PKNOX2: variants seen among roughly 807,000 people sequenced by gnomAD.
PKNOX2 encodes PBX/knotted 1 homeobox 2.
PKNOX2 carries 14 observed loss-of-function variants against 53.1 expected under a neutral mutation model. The observed-to-expected ratio is 0.26, with a 90% confidence interval of 0.17 to 0.41. The LOEUF is 0.41. Among genes scored for constraint, PKNOX2 ranks in the 10% least tolerant of loss-of-function variants. The probability of loss-of-function intolerance (pLI) is 1.00; values close to 1 mark genes in which losing one functional copy is unlikely to be tolerated. For missense variants in PKNOX2, 496 were observed against 602.8 expected, an observed-to-expected ratio of 0.82 and a Z score of 1.85; for synonymous variants, 257 against 242.8, an observed-to-expected ratio of 1.06 and a Z score of -0.54.
chr11:125,362,480 C>A (rs1951977571), intron 4 of PKNOX2, among the ~76,000 whole-genome samples: 1 of 152,136 alleles, frequency 6.6e-6, no homozygotes, highest in South Asian at 2.1e-4. Context: ...CTCAAGCAAT[C>A]CTCCTGCCTC....
At chr11:125,365,440 C>G (rs538859612) in intron 4 of PKNOX2, among the ~76,000 whole-genome samples, 15 of 152,170 alleles carry the variant, frequency 9.9e-5, no homozygotes, top group Non-Finnish European at 1.8e-4. Context: ...CATGTCTCTC[C>G]TTCCCTGCAC....
chr11:125,306,541 T>C (rs10893365), intron 2 of PKNOX2, among the ~76,000 whole-genome samples: 39,246 of 152,190 alleles, frequency 0.26, 6,263 homozygotes, highest in East Asian at 0.53. Context: ...CATAAAACCC[T>C]TAATGTGGCA....
chr11:125,286,898 C>T (rs978675974), intron 2 of PKNOX2, among the ~76,000 whole-genome samples: 2 of 152,310 alleles, frequency 1.3e-5, no homozygotes, highest in African/African-American at 2.4e-5. Flanking sequence ...GCGCAGGCAG[C>T]GTATGGCCTT....
At chr11:125,216,165 T>C (rs1940472558) in intron 1 of PKNOX2, among the ~76,000 whole-genome samples, 1 of 152,198 alleles carries the variant, frequency 6.6e-6, no homozygotes, top group African/African-American at 2.4e-5. Flanking sequence ...TGAGATTGTC[T>C]CTTTTTGTCC....
chr11:125,362,011 C>T (rs1162081080), intron 4 of PKNOX2, among the ~76,000 whole-genome samples: 16 of 152,088 alleles, frequency 1.1e-4, no homozygotes, highest in Admixed American at 9.2e-4. Context: ...GTTTCTGGCA[C>T]GATCATTGTT....
At chr11:125,290,016 C>A (rs1426302238) in intron 2 of PKNOX2, among the ~76,000 whole-genome samples, 2 of 152,196 alleles carry the variant, frequency 1.3e-5, no homozygotes, top group African/African-American at 2.4e-5. Flanking sequence ...TTCACTCCCA[C>A]CCCCAGCATG....
In PKNOX2 at chr11:125,186,893, G is replaced by T. The variant is rs1251302755; in HGVS notation, c.-201+22117G>T. Among the ~76,000 whole-genome samples, 3 of 152,260 alleles carry T rather than the reference G, an allele frequency of 2.0e-5. No homozygotes were observed. The East Asian group carries it at 5.8e-4, about 29-fold the overall frequency. ...CCATTTTGAGTTATTTTTGCATGGG[G>T]TGTGAGGTAGGGCTCCAACTTTATT... On this transcript the variant is annotated intron_variant, in intron 1 of 12. Coordinates refer to ENST00000298282, the MANE Select transcript of PKNOX2 (RefSeq NM_001382323.2).
At chr11:125,389,208 C>CAA (rs934444364) in intron 6 of PKNOX2, among the ~76,000 whole-genome samples, 10 of 151,956 alleles carry the variant, frequency 6.6e-5, no homozygotes, top group South Asian at 2.1e-4. Flanking sequence ...AACAAACAAA[C>CAA]AAACAAACAA....
At chr11:125,392,694 T>A (rs981700575) in intron 6 of PKNOX2, among the ~76,000 whole-genome samples, 23 of 152,192 alleles carry the variant, frequency 1.5e-4, no homozygotes, top group Admixed American at 7.9e-4. Context: ...TATAAATTGG[T>A]TATATATTTA....
At chr11:125,428,886 C>G in intron 10 of PKNOX2, 126 bp from the exon 11 acceptor site, 1 of 914,248 alleles carries the variant, frequency 1.1e-6, no homozygotes, top group Non-Finnish European at 1.7e-6. Flanking sequence ...GACACTTCCC[C>G]AATTTTGGTT....
In PKNOX2 at chr11:125,198,822, CCTT is replaced by C. The variant is rs200495085; in HGVS notation, c.-201+34065_-201+34067del. Among the ~76,000 whole-genome samples the C allele has an allele frequency of 1.1e-3, 163 of 147,372 alleles. 3 individuals are homozygous for C. The highest frequency in any genetic ancestry group is 1.4e-3 in the Non-Finnish European group (95 of 67,394). ...TCCTGATCCGCCTCCTCCTCCTCTTCCTTCTTCTTCTTCTTCTTCTTTTTTTTT... is the reference window on the plus strand; with the variant it reads ...TCCTGATCCGCCTCCTCCTCCTCTTCCTTCTTCTTCTTCTTCTTTTTTTTT... On this transcript the variant is annotated intron_variant, in intron 1 of 12. Transcript: ENST00000298282.
intron 10 of PKNOX2, among the ~76,000 whole-genome samples, chr11:125,421,711 C>A (rs570968759): frequency 3.9e-5 from 6 of 152,350 alleles, no homozygotes; most frequent in Non-Finnish European, 7.3e-5. Flanking sequence ...ACGATGGTGG[C>A]CTTGCAGGCC....
At chr11:125,336,279 T>A (rs1950428642) in intron 3 of PKNOX2, among the ~76,000 whole-genome samples, 1 of 152,174 alleles carries the variant, frequency 6.6e-6, no homozygotes, top group Admixed American at 6.5e-5. Flanking sequence ...CAACAGCTTC[T>A]GGCCTTAGTT....
At chr11:125,361,149 A>G (rs537134859) in intron 4 of PKNOX2, among the ~76,000 whole-genome samples, 18 of 152,358 alleles carry the variant, frequency 1.2e-4, no homozygotes, top group African/African-American at 3.8e-4. Context: ...TCCTGATTCA[A>G]CAGATAGTTC....
chr11:125,256,695 C>T (rs987181085), intron 2 of PKNOX2, among the ~76,000 whole-genome samples: 1 of 152,192 alleles, frequency 6.6e-6, no homozygotes, highest in African/African-American at 2.4e-5. Flanking sequence ...CCTGACTTGG[C>T]AGCCCCCTGA....
At chr11:125,348,996 G>A (rs368885216) in intron 3 of PKNOX2, among the ~76,000 whole-genome samples, 2 of 152,100 alleles carry the variant, frequency 1.3e-5, no homozygotes, top group Non-Finnish European at 2.9e-5. Flanking sequence ...CCTGGCGGAC[G>A]AGCATCTGTG....
In PKNOX2 at chr11:125,315,330, A is replaced by G. The variant is rs3133348; in HGVS notation, c.-129-16489A>G. On this transcript the variant is annotated intron_variant, in intron 2 of 12. Transcript: ENST00000298282. The stretch of plus-strand genomic sequence containing the variant: ...AAAAAAAAAAAAAAAAAAAAAAAAC[A>G]CCTCTCTCTGCATTAAAATTGATGC... Among the ~76,000 whole-genome samples, 261 of 139,662 alleles carry G rather than the reference A, an allele frequency of 1.9e-3. 2 individuals are homozygous for G. The highest frequency in any genetic ancestry group is 6.9e-3 in the African/African-American group (252 of 36,748). The allele number at this position is 139,662 out of a possible 152,430, so 91.6% of individuals were successfully genotyped here. A position where few individuals can be genotyped will look rare whatever the true frequency, so the allele number is the denominator to read the frequency against.
chr11:125,353,463 C>T (rs1473771527), intron 4 of PKNOX2, among the ~76,000 whole-genome samples: 1 of 152,190 alleles, frequency 6.6e-6, no homozygotes, highest in Non-Finnish European at 1.5e-5. Flanking sequence ...TAATAAATCC[C>T]AGCTATCAAG....
intron 1 of PKNOX2, among the ~76,000 whole-genome samples, chr11:125,222,629 G>GTGTGTGCA (rs1555120664): frequency 0.014 from 2,047 of 149,608 alleles, 45 homozygotes; most frequent in African/African-American, 0.047. Flanking sequence ...GTGTATGTGT[G>GTGTGTGCA]TGTGTATGTG....
Sources: allele counts gnomAD v4.1 joint callset (sites outside exome capture counted in the v4.1 genomes callset), GRCh38; gene constraint gnomAD v4.1.1; transcripts MANE v1.5; gene names NCBI Gene and HGNC (gene_info 2026-07-23, HGNC 2026-07-21).